The following EBF2 variants were observed in gnomAD, a reference collection of about 807,000 sequenced individuals.
EBF2 encodes the protein EBF transcription factor 2.
EBF2 carries 21 observed loss-of-function variants against 72.8 expected under a neutral mutation model. That is an observed-to-expected ratio of 0.29 (90% CI 0.20 to 0.42). EBF2 has a LOEUF of 0.42. Among genes scored for constraint, EBF2 ranks in the 10% least tolerant of loss-of-function variants. EBF2 has a pLI of 1.00. For synonymous variants in EBF2, 299 were observed against 274.2 expected (o/e 1.09, Z -0.89); for missense variants, 637 against 731.2 (o/e 0.87, Z 1.49).
chr8:25,871,109 G>C (rs1802432606), intron 10 of EBF2, among the ~76,000 whole-genome samples: 1 of 152,238 alleles, frequency 6.6e-6, no homozygotes, highest in Middle Eastern at 3.4e-3. Flanking sequence ...CTTCCCAACT[G>C]ACCAGTTGCT....
chr8:25,985,269 T>G (rs916986401), intron 6 of EBF2, among the ~76,000 whole-genome samples: 6 of 152,186 alleles, frequency 3.9e-5, no homozygotes, highest in Admixed American at 1.3e-4. Context: ...CTGCCTTCTC[T>G]GAAATACCCA....
chr8:25,857,962 T>C (rs1359515447), intron 14 of EBF2: 4 of 382,566 alleles, frequency 1.0e-5, no homozygotes, highest in African/African-American at 6.3e-5. Flanking sequence ...TATCGAAAAG[T>C]TCTTATGGAG....
At chr8:25,888,869 A>G (rs550577002) in intron 8 of EBF2, among the ~76,000 whole-genome samples, 45 of 152,276 alleles carry the variant, frequency 3.0e-4, no homozygotes, top group African/African-American at 8.4e-4. Context: ...AATCACATCC[A>G]ATCAGTCAAA....
rs369086868 is a variant in EBF2, at chr8:25,877,924, G to A, written c.1009+8831C>T. Among the ~76,000 whole-genome samples, 32 of 152,236 alleles carry A rather than the reference G, an allele frequency of 2.1e-4. No homozygotes were observed. The East Asian group carries it at 5.4e-3, about 26-fold the overall frequency. On this transcript the variant is annotated intron_variant, in intron 10 of 15. Transcript: ENST00000520164. ...AAATACAGATTCCCAGACCCTGTCCGAAGAGCATGATTTGGCATTGTCTGG... is the reference window on the plus strand; with the variant it reads ...AAATACAGATTCCCAGACCCTGTCCAAAGAGCATGATTTGGCATTGTCTGG...
At chr8:26,034,542 C>T (rs1204376404) in intron 5 of EBF2, among the ~76,000 whole-genome samples, 7 of 152,128 alleles carry the variant, frequency 4.6e-5, no homozygotes, top group Admixed American at 4.6e-4. Flanking sequence ...TCGAAAATAC[C>T]TAGACAAATG....
intron 6 of EBF2, among the ~76,000 whole-genome samples, chr8:26,004,744 A>G (rs1482330872): frequency 6.6e-6 from 1 of 151,860 alleles, no homozygotes; most frequent in African/African-American, 2.4e-5. Flanking sequence ...CTGTCTATAA[A>G]AACAATTCCG....
At chr8:25,914,354 G>T (rs971737236) in intron 6 of EBF2, among the ~76,000 whole-genome samples, 1 of 151,970 alleles carries the variant, frequency 6.6e-6, no homozygotes, top group South Asian at 2.1e-4. Flanking sequence ...CCCCAGCAGA[G>T]TCTACACCCA....
At chr8:25,900,845 T>C (rs559291441) in intron 7 of EBF2, among the ~76,000 whole-genome samples, 1 of 151,674 alleles carries the variant, frequency 6.6e-6, no homozygotes, top group Non-Finnish European at 1.5e-5. Flanking sequence ...TTAGGCAGGA[T>C]GAAGAGAGGT....
intron 6 of EBF2, among the ~76,000 whole-genome samples, chr8:25,913,146 A>T (rs893056837): frequency 6.6e-6 from 1 of 152,144 alleles, no homozygotes; most frequent in Non-Finnish European, 1.5e-5. Flanking sequence ...TTTTTAATAC[A>T]AAAGAAGTCC....
At chr8:25,983,944 A>C (rs985904403) in intron 6 of EBF2, among the ~76,000 whole-genome samples, 2 of 152,252 alleles carry the variant, frequency 1.3e-5, no homozygotes, top group African/African-American at 4.8e-5. Context: ...GCTTCCCAAA[A>C]AATTACAACT....
intron 6 of EBF2, among the ~76,000 whole-genome samples, chr8:26,015,552 A>G (rs969871381): frequency 6.6e-6 from 1 of 152,210 alleles, no homozygotes; most frequent in Admixed American, 6.5e-5. Context: ...TGAGAGTAAG[A>G]ACATTCGGAT....
At chr8:25,910,067 T>C (rs1803101625) in intron 6 of EBF2, among the ~76,000 whole-genome samples, 1 of 152,166 alleles carries the variant, frequency 6.6e-6, no homozygotes, top group South Asian at 2.1e-4. Context: ...GAAAATGTTG[T>C]GCGTGGCTGT....
At chr8:25,950,168 T>C (rs1461624058) in intron 6 of EBF2, among the ~76,000 whole-genome samples, 1 of 152,226 alleles carries the variant, frequency 6.6e-6, no homozygotes, top group Non-Finnish European at 1.5e-5. Flanking sequence ...CCTCCTTTAA[T>C]CACTCACTGA....
intron 6 of EBF2, among the ~76,000 whole-genome samples, chr8:25,991,683 T>TA (rs1341433024): frequency 6.6e-6 from 1 of 151,936 alleles, no homozygotes; most frequent in African/African-American, 2.4e-5. Context: ...CCATCTCTAC[T>TA]AAAAATAGAA....
At chr8:25,895,947 G>A (rs986440014) in intron 7 of EBF2, among the ~76,000 whole-genome samples, 125 of 146,428 alleles carry the variant, frequency 8.5e-4, no homozygotes, top group Admixed American at 2.5e-3. Context: ...GTGTGTGTGT[G>A]TGTGTGTTTT....
intron 6 of EBF2, among the ~76,000 whole-genome samples, chr8:26,025,885 A>G (rs2117249637): frequency 6.6e-6 from 1 of 152,308 alleles, no homozygotes; most frequent in South Asian, 2.1e-4. Context: ...TTAAAAAAAA[A>G]AATACATTGA....
intron 10 of EBF2, among the ~76,000 whole-genome samples, chr8:25,878,823 C>T (rs1274939098): frequency 1.3e-5 from 2 of 152,144 alleles, no homozygotes; most frequent in Admixed American, 6.5e-5. Flanking sequence ...GAGTCCCTCC[C>T]CTCCTCACTC....
intron 1 of EBF2, among the ~76,000 whole-genome samples, chr8:26,043,819 C>T (rs535116505): frequency 6.6e-6 from 1 of 152,126 alleles, no homozygotes; most frequent in African/African-American, 2.4e-5. Flanking sequence ...CTGCCTCTCT[C>T]GCAGACAAGG....
At chr8:25,956,781 C>T (rs1385999062) in intron 6 of EBF2, among the ~76,000 whole-genome samples, 1 of 152,212 alleles carries the variant, frequency 6.6e-6, no homozygotes, top group African/African-American at 2.4e-5. Context: ...CCACCATCCA[C>T]TCCTCACCTA....
Sources: gnomAD v4.1 joint callset for allele counts (sites outside exome capture counted in the v4.1 genomes callset) on GRCh38, gnomAD v4.1.1 for gene constraint, MANE v1.5 for transcripts, NCBI Gene and HGNC (gene_info 2026-07-23, HGNC 2026-07-21) for gene names.